Variants in PPP1R14C observed in about 807,000 individuals in gnomAD.
The protein encoded by PPP1R14C is protein phosphatase 1 regulatory inhibitor subunit 14C.
PPP1R14C carries 16 observed loss-of-function variants against 20.4 expected under a neutral mutation model. That is an observed-to-expected ratio of 0.78 (90% confidence interval 0.53 to 1.19). The LOEUF (loss-of-function observed/expected upper bound fraction) is 1.19. Among genes scored for constraint, PPP1R14C ranks in the 50% most tolerant of loss-of-function variants. The pLI, the probability that PPP1R14C is intolerant of heterozygous loss-of-function variation, is 0.00. For synonymous variants in PPP1R14C, 91 were observed against 91.0 expected (o/e 1.00, Z 0.00); for missense variants, 211 against 220.1 (o/e 0.96, Z 0.26).
intron 1 of PPP1R14C, among the ~76,000 whole-genome samples, chr6:150,147,316 G>C (rs931473857): frequency 2.0e-5 from 3 of 151,798 alleles, no homozygotes; most frequent in African/African-American, 7.3e-5. Flanking sequence ...AGTAGCTGGG[G>C]CTGCAGATGC....
chr6:150,223,170 G>A (rs940711929), intron 3 of PPP1R14C, among the ~76,000 whole-genome samples: 12 of 152,126 alleles, frequency 7.9e-5, no homozygotes, highest in Non-Finnish European at 1.2e-4. Context: ...TCTTTTCATT[G>A]CTTGATAGCT....
At chr6:150,241,901 A>AT (rs1554221810) in intron 3 of PPP1R14C, among the ~76,000 whole-genome samples, 2 of 152,140 alleles carry the variant, frequency 1.3e-5, no homozygotes, top group Non-Finnish European at 2.9e-5. Context: ...AGAAAAAAAA[A>AT]GTGTCAGAAT....
Position 150,143,068 on chromosome 6 carries a change from C to A in PPP1R14C, c.-125C>A, listed in dbSNP as rs1562536620. 9.2e-7 allele frequency: 1 copy of A among 1,084,782 alleles called. No individual in the cohort carries two copies. Among genetic ancestry groups the A allele is most frequent in the South Asian group, 4.5e-5 (1 of 22,276 alleles). The allele number at this position is 1,084,782 out of a possible 1,614,324, so 67.2% of individuals were successfully genotyped here. A position where few individuals can be genotyped will look rare whatever the true frequency, so the allele number is the denominator to read the frequency against. ...CAGAGCAGCCGGGCGGCTGGGCGCG[C>A]GCGGCGCAGAGCAGGTGCCGGGGAG... On this transcript the variant is annotated 5_prime_UTR_variant, in exon 1 of 4. Coordinates refer to ENST00000361131, the MANE Select transcript of PPP1R14C (RefSeq NM_030949.3). The surrounding 1 kb of genome is among the most constrained non-coding windows in gnomAD (Gnocchi z 5.6).
intron 1 of PPP1R14C, among the ~76,000 whole-genome samples, chr6:150,145,714 A>G (rs1777173209): frequency 6.6e-6 from 1 of 152,256 alleles, no homozygotes; most frequent in Non-Finnish European, 1.5e-5. Flanking sequence ...AACTTCATGC[A>G]TACGAAGATT....
At chr6:150,159,919 A>G (rs1777346199) in intron 1 of PPP1R14C, among the ~76,000 whole-genome samples, 1 of 152,172 alleles carries the variant, frequency 6.6e-6, no homozygotes, top group Non-Finnish European at 1.5e-5. Flanking sequence ...TCCCTTGGCT[A>G]GGCCAGTTTC....
chr6:150,168,332 C>T (rs1481639278), intron 1 of PPP1R14C, among the ~76,000 whole-genome samples: 2 of 151,628 alleles, frequency 1.3e-5, no homozygotes, highest in Non-Finnish European at 2.9e-5. Flanking sequence ...CTCAGGAGAT[C>T]GAGACCATCC....
At chr6:150,160,589 T>C (rs183564047) in intron 1 of PPP1R14C, among the ~76,000 whole-genome samples, 278 of 152,174 alleles carry the variant, frequency 1.8e-3, no homozygotes, top group African/African-American at 6.1e-3. Context: ...TCTTAAGTAA[T>C]GGGAAGTTAT....
In PPP1R14C at chr6:150,249,009, A is replaced by G. The variant is rs1195781708; in HGVS notation, c.*189A>G. 8.4e-6 allele frequency: 4 copies of G among 476,558 alleles called. No homozygotes were observed. Among genetic ancestry groups the G allele is most frequent in the Non-Finnish European group, 1.5e-5 (4 of 271,352 alleles). 29.5% of individuals were successfully genotyped at this position (476,558 alleles called of 1,614,324 possible). A position where few individuals can be genotyped will look rare whatever the true frequency, so the allele number is the denominator to read the frequency against. The stretch of plus-strand genomic sequence containing the variant: ...AAGAGCGTTCTTTTTTTGGTTTTAA[A>G]GGTTTTTGTTAATGTAATATTTTAA... On this transcript the variant is annotated 3_prime_UTR_variant, in exon 4 of 4. Transcript: ENST00000361131.
chr6:150,194,354 G>C, intron 1 of PPP1R14C: 1 of 618,698 alleles, frequency 1.6e-6, no homozygotes, highest in Non-Finnish European at 2.0e-6. Flanking sequence ...TAAGGATTTG[G>C]ACACAGCTTG....
chr6:150,237,232 G>A (rs1778373027), intron 3 of PPP1R14C, among the ~76,000 whole-genome samples: 1 of 152,022 alleles, frequency 6.6e-6, no homozygotes, highest in African/African-American at 2.4e-5. Context: ...GAAACGGAGT[G>A]TTGCTCTGTT....
At chr6:150,238,596 T>C (rs1278304335) in intron 3 of PPP1R14C, among the ~76,000 whole-genome samples, 21 of 152,282 alleles carry the variant, frequency 1.4e-4, no homozygotes, top group Admixed American at 1.4e-3. Context: ...CACCCCCAGC[T>C]GCAGCTCATG....
At position 150,249,430 on chromosome 6, in the gene PPP1R14C, T is replaced by G. The variant is rs1395990431; in HGVS notation, c.*610T>G. The G allele has an allele frequency of 3.0e-5, 12 of 398,580 alleles. No homozygotes were observed. The highest frequency in any genetic ancestry group is 5.3e-5 in the Non-Finnish European group (12 of 226,084). The allele number at this position is 398,580 out of a possible 1,614,324, so 24.7% of individuals were successfully genotyped here. On this transcript the variant is annotated 3_prime_UTR_variant, in exon 4 of 4. Coordinates refer to ENST00000361131, the MANE Select transcript of PPP1R14C (RefSeq NM_030949.3). The stretch of plus-strand genomic sequence containing the variant: ...CACTTTATGCACCAAAGTGAAAGAA[T>G]TCAGTGTATCCGTTATTTTAATGCA...
intron 1 of PPP1R14C, among the ~76,000 whole-genome samples, chr6:150,154,456 T>C (rs1246703057): frequency 2.0e-5 from 3 of 152,368 alleles, no homozygotes; most frequent in South Asian, 2.1e-4. Context: ...ACAGAGTTTG[T>C]TTTCAGGTTT....
intron 3 of PPP1R14C, among the ~76,000 whole-genome samples, chr6:150,235,501 T>G (rs949781719): frequency 6.6e-6 from 1 of 152,228 alleles, no homozygotes; most frequent in African/African-American, 2.4e-5. Context: ...TCTTAACTTA[T>G]TCCTCAATGA....
chr6:150,200,212 A>AAC lies in PPP1R14C; in HGVS notation c.307-14518_307-14517dup, dbSNP rs1296404890. The stretch of plus-strand genomic sequence containing the variant: ...CACACACATACACACACATGTACAC[A>AAC]ACACACACACACACAACACACACAT... On this transcript the variant is annotated intron_variant, in intron 1 of 3. Coordinates refer to ENST00000361131, the MANE Select transcript of PPP1R14C (RefSeq NM_030949.3). Among the ~76,000 whole-genome samples, 21 of 151,408 alleles carry AAC rather than the reference A, an allele frequency of 1.4e-4. 1 individual carries two copies. The South Asian group carries it at 2.1e-3, about 15-fold the overall frequency.
chr6:150,241,571 C>G (rs1778430992), intron 3 of PPP1R14C, among the ~76,000 whole-genome samples: 1 of 152,142 alleles, frequency 6.6e-6, no homozygotes, highest in Non-Finnish European at 1.5e-5. Context: ...GCATCTAACT[C>G]TAACGCCAGC....
At chr6:150,226,342 G>A (rs1778229968) in intron 3 of PPP1R14C, among the ~76,000 whole-genome samples, 1 of 152,158 alleles carries the variant, frequency 6.6e-6, no homozygotes, top group Non-Finnish European at 1.5e-5. Context: ...TAATGCAAGA[G>A]GCAAAAGTAA....
Position 150,249,532 on chromosome 6 carries a change from G to C in PPP1R14C, c.*712G>C, listed in dbSNP as rs754844523. The C allele has an allele frequency of 2.6e-4, 104 of 398,444 alleles. No individual in the cohort carries two copies. The highest frequency in any genetic ancestry group is 3.9e-4 in the Non-Finnish European group (88 of 226,066). The allele number at this position is 398,444 out of a possible 1,614,324, so 24.7% of individuals were successfully genotyped here. A position where few individuals can be genotyped will look rare whatever the true frequency, so the allele number is the denominator to read the frequency against. ...ATTATTTCATTGGTTGGGATGCTTT[G>C]CCAGGTCATGTGCTTATTGTCTCAT... On this transcript the variant is annotated 3_prime_UTR_variant, in exon 4 of 4. Transcript: ENST00000361131.
chr6:150,194,796 T>C (rs1777784114), intron 1 of PPP1R14C: 1 of 985,412 alleles, frequency 1.0e-6, no homozygotes. Context: ...TGGGGGTTGA[T>C]GTTTGTTATT....
Sources: gnomAD v4.1 joint callset for allele counts (sites outside exome capture counted in the v4.1 genomes callset) on GRCh38, gnomAD v4.1.1 for gene constraint, Gnocchi (gnomAD v3.1) non-coding constraint, MANE v1.5 for transcripts, NCBI Gene and HGNC (gene_info 2026-07-23, HGNC 2026-07-21) for gene names.